OPA1: variants seen among roughly 807,000 people sequenced by gnomAD.
OPA1 encodes the protein dynamin-like GTPase OPA1, mitochondrial.
Under a neutral mutation model 152.9 loss-of-function variants are expected in OPA1, and 59 were observed. That is an observed-to-expected ratio of 0.39 (90% CI 0.31 to 0.48). OPA1 has a LOEUF of 0.48. Ranked by LOEUF, OPA1 falls within the 20% of genes least tolerant of loss-of-function variation. The pLI is 0.96. For synonymous variants in OPA1, 400 were observed against 389.9 expected (o/e 1.03, Z -0.31); for missense variants, 1,008 against 1,216.8 (o/e 0.83, Z 2.55).
chr3:193,676,958 G>A (rs1719196719), intron 29 of OPA1, among the ~76,000 whole-genome samples: 2 of 143,158 alleles, frequency 1.4e-5, no homozygotes, highest in South Asian at 2.3e-4. Context: ...TCCAGCCTGG[G>A]TGACAGAGCA....
intron 1 of OPA1, among the ~76,000 whole-genome samples, chr3:193,607,578 T>A (rs528190268): frequency 6.6e-6 from 1 of 152,222 alleles, no homozygotes; most frequent in Non-Finnish European, 1.5e-5. Context: ...TAGTTGTAGA[T>A]ATGCGGCGTT....
intron 29 of OPA1, among the ~76,000 whole-genome samples, chr3:193,676,764 A>G (rs1452187740): frequency 6.6e-6 from 1 of 152,148 alleles, no homozygotes; most frequent in Admixed American, 6.6e-5. Context: ...GCGGATCACA[A>G]GGTCAGGAGA....
intron 8 of OPA1, among the ~76,000 whole-genome samples, chr3:193,632,926 C>G (rs1260721454): frequency 6.6e-6 from 1 of 152,178 alleles, no homozygotes; most frequent in Non-Finnish European, 1.5e-5. Flanking sequence ...AGTGAAACGA[C>G]TACAAGTTGA....
chr3:193,611,956 T>C (rs1728317415), intron 1 of OPA1, among the ~76,000 whole-genome samples: 1 of 152,184 alleles, frequency 6.6e-6, no homozygotes, highest in African/African-American at 2.4e-5. Flanking sequence ...TTGGTCCTTC[T>C]TGTGAGGAGC....
At chr3:193,641,543 G>A (rs191697640) in intron 11 of OPA1, among the ~76,000 whole-genome samples, 2 of 152,260 alleles carry the variant, frequency 1.3e-5, no homozygotes, top group African/African-American at 4.8e-5. Flanking sequence ...TAATAACTCG[G>A]AATTCCAATC....
In OPA1 at chr3:193,644,124, T is replaced by C. The variant is rs773095034; in HGVS notation, c.1608+19T>C. Reference sequence around the variant, plus strand: ...AAGCAGGGTGAGGTCAAATTCTTTGTTGCGAGAATAGATTCTTTGTAAAAG... The same window carrying C: ...AAGCAGGGTGAGGTCAAATTCTTTGCTGCGAGAATAGATTCTTTGTAAAAG... On this transcript the variant is annotated intron_variant, in intron 16 of 30. Transcript: ENST00000361510. 1 of 1,613,048 alleles carries C rather than the reference T, an allele frequency of 6.2e-7. No homozygotes were observed. The highest frequency in any genetic ancestry group is 1.1e-5 in the South Asian group (1 of 91,028).
Position 193,645,643 on chromosome 3 carries a change from A to G in OPA1, c.1681+18A>G, listed in dbSNP as rs1266799150. 1.2e-6 allele frequency: 2 copies of G among 1,607,848 alleles called. No individual in the cohort carries two copies. Among genetic ancestry groups the G allele is most frequent in the Non-Finnish European group, 1.7e-6 (2 of 1,174,556 alleles). On this transcript the variant is annotated intron_variant, in intron 17 of 30. Coordinates refer to ENST00000361510, the MANE Select transcript of OPA1 (RefSeq NM_130837.3). ...AGGAAAAGGTATGCAAAGATGGATTATAATAACTTATTTTTAGTTTCTGTT... is the reference window on the plus strand; with the variant it reads ...AGGAAAAGGTATGCAAAGATGGATTGTAATAACTTATTTTTAGTTTCTGTT...
At chr3:193,618,966 G>A in intron 6 of OPA1, 30 bp downstream of exon 6, 2 of 1,552,372 alleles carry the variant, frequency 1.3e-6, no homozygotes, top group Non-Finnish European at 1.8e-6. Context: ...GTTCATGTAG[G>A]TAGTCTTGAA....
intron 1 of OPA1, among the ~76,000 whole-genome samples, chr3:193,611,028 G>A (rs528998708): frequency 2.0e-5 from 3 of 152,082 alleles, no homozygotes; most frequent in Admixed American, 6.6e-5. Flanking sequence ...TGCTCGGTGC[G>A]CTGCACCCAC....
chr3:193,641,359 A>G (rs563280483), intron 11 of OPA1, among the ~76,000 whole-genome samples: 2 of 152,308 alleles, frequency 1.3e-5, no homozygotes, highest in African/African-American at 2.4e-5. Flanking sequence ...GAAAGTGCCA[A>G]AACCCCAGCT....
At chr3:193,637,141 A>AT in intron 9 of OPA1, 54 bp from the exon 10 acceptor site, 1 of 964,096 alleles carries the variant, frequency 1.0e-6, no homozygotes, top group South Asian at 1.5e-5. Flanking sequence ...CATCTGTTAT[A>AT]TTTTTTTCTT....
intron 6 of OPA1, among the ~76,000 whole-genome samples, chr3:193,623,727 A>G (rs1730567704): frequency 6.6e-6 from 1 of 152,190 alleles, no homozygotes; most frequent in South Asian, 2.1e-4. Flanking sequence ...GCTTGGGAAA[A>G]TATTTATTGA....
At chr3:193,669,099 T>G (rs1337601898) in intron 29 of OPA1, among the ~76,000 whole-genome samples, 1 of 152,198 alleles carries the variant, frequency 6.6e-6, no homozygotes, top group Non-Finnish European at 1.5e-5. Context: ...TTCTGCAAAT[T>G]TAAAAGTGCC....
chr3:193,593,972 A>T (rs1039664348), intron 1 of OPA1, among the ~76,000 whole-genome samples: 4 of 152,092 alleles, frequency 2.6e-5, no homozygotes, highest in African/African-American at 7.2e-5. Flanking sequence ...AGAGACGGTG[A>T]TTCGAGATGC....
At chr3:193,652,895 C>T (rs994437225) in intron 21 of OPA1, among the ~76,000 whole-genome samples, 1 of 151,954 alleles carries the variant, frequency 6.6e-6, no homozygotes, top group African/African-American at 2.4e-5. Context: ...TTTAGCTTCT[C>T]GGGATTTGGT....
intron 5 of OPA1, chr3:193,618,663 G>T: frequency 1.8e-6 from 1 of 550,336 alleles, no homozygotes; most frequent in South Asian, 2.2e-5. Context: ...AACATATGCT[G>T]CGATTGCTAT....
intron 23 of OPA1, among the ~76,000 whole-genome samples, chr3:193,657,848 G>T (rs1268288655): frequency 6.6e-6 from 1 of 152,190 alleles, no homozygotes; most frequent in African/African-American, 2.4e-5. Context: ...TTAAGTGCCT[G>T]CTGTGCTCAG....
chr3:193,679,579 A>G (rs1719798066), intron 29 of OPA1, among the ~76,000 whole-genome samples: 1 of 152,186 alleles, frequency 6.6e-6, no homozygotes, highest in South Asian at 2.1e-4. Flanking sequence ...GGCTAATCAT[A>G]TGTGTTACAG....
intron 1 of OPA1, among the ~76,000 whole-genome samples, chr3:193,604,945 A>T (rs1727028759): frequency 6.6e-6 from 1 of 152,124 alleles, no homozygotes; most frequent in Admixed American, 6.6e-5. Context: ...AGTTGCTGTA[A>T]AAGGTAAACT....
Sources: gnomAD v4.1 joint callset for allele counts (sites outside exome capture counted in the v4.1 genomes callset) on GRCh38, gnomAD v4.1.1 for gene constraint, MANE v1.5 for transcripts, NCBI Gene and HGNC (gene_info 2026-07-23, HGNC 2026-07-21) for gene names.